The following GPC5 variants were observed in gnomAD, a reference collection of about 807,000 sequenced individuals.
GPC5 encodes glypican-5.
Under a neutral mutation model 53.9 loss-of-function variants are expected in GPC5, and 47 were observed. That is an observed-to-expected ratio of 0.87 (90% CI 0.69 to 1.11). The LOEUF (loss-of-function observed/expected upper bound fraction) is 1.11, where lower values mean the gene tolerates loss of function less well. Ranked by LOEUF, GPC5 falls within the 50% of genes most tolerant of loss-of-function variation. The pLI is 0.00. For missense variants in GPC5, 748 were observed against 713.1 expected (o/e 1.05, Z -0.56); for synonymous variants, 286 against 263.3 (o/e 1.09, Z -0.84).
At chr13:92,337,182 T>C (rs1224757435) in intron 7 of GPC5, among the ~76,000 whole-genome samples, 7 of 137,300 alleles carry the variant, frequency 5.1e-5, no homozygotes, top group Admixed American at 4.3e-4. Flanking sequence ...ATGCCATTTA[T>C]GTTAGCAGCA....
At chr13:91,532,783 T>C (rs1487405088) in intron 2 of GPC5, among the ~76,000 whole-genome samples, 1 of 152,056 alleles carries the variant, frequency 6.6e-6, no homozygotes, top group Admixed American at 6.6e-5. Flanking sequence ...GGAGGATCAC[T>C]TGAGCTTGGG....
chr13:92,283,362 G>A (rs1293615744), intron 7 of GPC5, among the ~76,000 whole-genome samples: 15 of 152,106 alleles, frequency 9.9e-5, no homozygotes, highest in African/African-American at 4.8e-5. Context: ...AGATATCCAG[G>A]AATTAAACTC....
chr13:92,124,248 G>GAAAAAAAAAAAA (rs34042033), intron 6 of GPC5, among the ~76,000 whole-genome samples: 1 of 54,984 alleles, frequency 1.8e-5, no homozygotes, highest in African/African-American at 7.2e-5. Flanking sequence ...CGGACAGAAT[G>GAAAAAAAAAAAA]AAAAAAAAAA....
chr13:92,016,872 C>T (rs1357326549), intron 6 of GPC5, among the ~76,000 whole-genome samples: 6 of 152,040 alleles, frequency 3.9e-5, no homozygotes, highest in Non-Finnish European at 8.8e-5. Context: ...ATCATCCTGC[C>T]TGGGAAGAGT....
At chr13:92,656,912 G>A (rs751314093) in intron 7 of GPC5, among the ~76,000 whole-genome samples, 5 of 152,288 alleles carry the variant, frequency 3.3e-5, no homozygotes, top group African/African-American at 4.8e-5. Flanking sequence ...GCAACGCTGC[G>A]ATGAGCTATG....
chr13:92,111,583 C>A (rs200997446), intron 6 of GPC5, among the ~76,000 whole-genome samples: 3 of 148,976 alleles, frequency 2.0e-5, no homozygotes, highest in Non-Finnish European at 3.0e-5. Context: ...CTCTGCCCCA[C>A]AAAAAAAAAA....
chr13:91,518,346 G>A (rs1885622365), intron 2 of GPC5, among the ~76,000 whole-genome samples: 1 of 151,964 alleles, frequency 6.6e-6, no homozygotes, highest in African/African-American at 2.4e-5. Context: ...GGGCAACAGA[G>A]TAAGACCCCC....
Position 91,554,580 on chromosome 13 carries a change from G to A in GPC5, c.325+105658G>A, listed in dbSNP as rs562861895. Among the ~76,000 whole-genome samples the A allele has an allele frequency of 4.6e-5, 7 of 152,160 alleles. No individual in the cohort carries two copies. The East Asian group carries it at 1.4e-3, about 29-fold the overall frequency. On this transcript the variant is annotated intron_variant, in intron 2 of 7. Coordinates refer to ENST00000377067, the MANE Select transcript of GPC5 (RefSeq NM_004466.6). ...CGAATCCACAGATCTGTACATAATT[G>A]GTTAAAATAAATCCTTTTCAAAACA...
chr13:92,521,968 G>T (rs1437280506), intron 7 of GPC5, among the ~76,000 whole-genome samples: 1 of 152,092 alleles, frequency 6.6e-6, no homozygotes, highest in East Asian at 1.9e-4. Context: ...GTGGGTGAAG[G>T]ATATGAACAG....
intron 7 of GPC5, among the ~76,000 whole-genome samples, chr13:92,345,479 C>A (rs2043403512): frequency 6.6e-6 from 1 of 152,100 alleles, no homozygotes; most frequent in African/African-American, 2.4e-5. Context: ...CTGCCCCAAT[C>A]CCCCATGCCA....
intron 7 of GPC5, among the ~76,000 whole-genome samples, chr13:92,732,888 G>A (rs2139301089): frequency 6.6e-6 from 1 of 151,572 alleles, no homozygotes; most frequent in East Asian, 2.0e-4. Flanking sequence ...TTCATTCCTG[G>A]TTCTTTCCCA....
intron 7 of GPC5, among the ~76,000 whole-genome samples, chr13:92,755,239 T>A (rs1256350170): frequency 1.4e-5 from 2 of 139,570 alleles, no homozygotes; most frequent in African/African-American, 5.4e-5. Flanking sequence ...ACTGGGTACA[T>A]AACGAAATGA....
chr13:91,801,323 GTTTAA>G (rs2038133668), intron 5 of GPC5, among the ~76,000 whole-genome samples: 1 of 149,770 alleles, frequency 6.7e-6, no homozygotes, highest in South Asian at 2.1e-4. Flanking sequence ...TGTTTGGTCT[GTTTAA>G]TTTTGTTTTT....
rs372727918 is a variant in GPC5, at chr13:92,416,984, C to A, written c.1561+271995C>A. The stretch of plus-strand genomic sequence containing the variant: ...CACTTTAACTTATATTTTCAACTTA[C>A]GATGGTTTATTGGGACATAACCCAT... On this transcript the variant is annotated intron_variant, in intron 7 of 7. Coordinates refer to ENST00000377067, the MANE Select transcript of GPC5 (RefSeq NM_004466.6). 2.1e-4 allele frequency among the ~76,000 whole-genome samples: 32 copies of A among 152,268 alleles called. 1 individual carries two copies. In the South Asian group the frequency reaches 6.6e-3, roughly 32 times the overall value.
chr13:92,477,011 A>T (rs1480814813), intron 7 of GPC5, among the ~76,000 whole-genome samples: 1 of 149,770 alleles, frequency 6.7e-6, no homozygotes, highest in Non-Finnish European at 1.5e-5. Flanking sequence ...AACCTGCACA[A>T]TGTGCACATG....
chr13:91,553,731 C>T (rs1405090352), intron 2 of GPC5, among the ~76,000 whole-genome samples: 1 of 152,000 alleles, frequency 6.6e-6, no homozygotes, highest in African/African-American at 2.4e-5. Context: ...TCTAATGTCA[C>T]TGTTTAGCAA....
At chr13:92,189,977 G>A (rs2042212136) in intron 7 of GPC5, among the ~76,000 whole-genome samples, 2 of 152,202 alleles carry the variant, frequency 1.3e-5, no homozygotes, top group African/African-American at 4.8e-5. Flanking sequence ...ATTCATGTCA[G>A]ACACCAATTC....
intron 6 of GPC5, among the ~76,000 whole-genome samples, chr13:91,920,613 T>A (rs2039701751): frequency 6.6e-6 from 1 of 152,120 alleles, no homozygotes; most frequent in African/African-American, 2.4e-5. Context: ...CACAAAGTAA[T>A]CATTGTGAAA....
intron 6 of GPC5, among the ~76,000 whole-genome samples, chr13:92,055,979 G>T (rs1331343962): frequency 6.6e-6 from 1 of 151,990 alleles, no homozygotes; most frequent in East Asian, 1.9e-4. Context: ...TTTTCTAAAT[G>T]ATTTATTGAT....
Sources: gnomAD v4.1 joint callset for allele counts (sites outside exome capture counted in the v4.1 genomes callset) on GRCh38, gnomAD v4.1.1 for gene constraint, MANE v1.5 for transcripts, NCBI Gene and HGNC (gene_info 2026-07-23, HGNC 2026-07-21) for gene names.